Variants in NPEPL1 observed in about 807,000 individuals in gnomAD.
NPEPL1 encodes aminopeptidase like 1.
Under a neutral mutation model 52.4 loss-of-function variants are expected in NPEPL1, and 45 were observed. That is an observed-to-expected ratio of 0.86 (90% CI 0.68 to 1.10). The LOEUF (loss-of-function observed/expected upper bound fraction) is 1.10. NPEPL1 is among the 50% of genes least tolerant of loss of function. The pLI is 0.00. For missense variants in NPEPL1, 696 were observed against 710.9 expected (o/e 0.98, Z 0.24); for synonymous variants, 360 against 314.7 (o/e 1.14, Z -1.52).
At chr20:58,703,008 T>A (rs2084665757) in intron 6 of NPEPL1, among the ~76,000 whole-genome samples, 1 of 152,214 alleles carries the variant, frequency 6.6e-6, no homozygotes, top group Non-Finnish European at 1.5e-5. Context: ...AGGTTCCGCG[T>A]CTTCGTTTTG....
chr20:58,700,880 A>C (rs1601108225), intron 5 of NPEPL1, 136 bp from the exon 6 acceptor site: 16 of 809,564 alleles, frequency 2.0e-5, no homozygotes, highest in Non-Finnish European at 2.7e-5. Flanking sequence ...GGGCAGGAGA[A>C]GGGGCAGGGA....
intron 7 of NPEPL1, among the ~76,000 whole-genome samples, chr20:58,707,496 C>T (rs1601124368): frequency 6.6e-6 from 1 of 152,228 alleles, no homozygotes; most frequent in Admixed American, 6.5e-5. Flanking sequence ...TGGCCTAGAC[C>T]CTCATGGCAT....
At position 58,692,837 on chromosome 20, in the gene NPEPL1, C is replaced by T. The variant is rs2084381425; in HGVS notation, c.-64C>T. 2 of 976,976 alleles carry T rather than the reference C, an allele frequency of 2.0e-6. No homozygotes were observed. The highest frequency in any genetic ancestry group is 2.4e-6 in the Non-Finnish European group (2 of 824,492). 60.5% of individuals were successfully genotyped at this position (976,976 alleles called of 1,614,324 possible). On this transcript the variant is annotated 5_prime_UTR_variant, in exon 1 of 12. Coordinates refer to ENST00000356091, the MANE Select transcript of NPEPL1 (RefSeq NM_024663.4). This position sits in a 1 kb window ranked among gnomAD's most constrained non-coding sequence, Gnocchi z 5.7. ...GTGCCGAGGCCGGGCCGGAGCGGGG[C>T]GAAGGGGGCCGAGCGGCGGGCCGGG...
In NPEPL1 at chr20:58,712,668, G is replaced by A. The variant is rs188994981; in HGVS notation, c.1001+89G>A. ...AATGCCAGCTCACTCCAGGCATATC[G>A]GGAGGGCACTCAGCGTTGGGGTCCC... is the stretch of plus-strand genomic sequence containing the variant. On this transcript the variant is annotated intron_variant, in intron 8 of 11. Coordinates refer to ENST00000356091, the MANE Select transcript of NPEPL1 (RefSeq NM_024663.4). The A allele has an allele frequency of 3.2e-5, 31 of 958,168 alleles. No individual in the cohort carries two copies. The East Asian group carries it at 4.6e-4, about 14-fold the overall frequency. 59.4% of individuals were successfully genotyped at this position (958,168 alleles called of 1,614,324 possible).
intron 7 of NPEPL1, chr20:58,711,611 G>A (rs1160589487): frequency 6.6e-6 from 1 of 152,494 alleles, no homozygotes; most frequent in Non-Finnish European, 1.5e-5. Flanking sequence ...ACTGAGCGGG[G>A]ACCCAGGGAG....
At chr20:58,707,327 G>A in intron 7 of NPEPL1, 127 bp downstream of exon 7, 2 of 859,840 alleles carry the variant, frequency 2.3e-6, no homozygotes, top group South Asian at 3.5e-5. Flanking sequence ...GCGGATGCTT[G>A]TCCCCCCTCT....
In NPEPL1 at chr20:58,713,887, C is replaced by A; in HGVS notation, c.1126-30C>A. On this transcript the variant is annotated intron_variant, in intron 9 of 11. Coordinates refer to ENST00000356091, the MANE Select transcript of NPEPL1 (RefSeq NM_024663.4). The surrounding 1 kb of genome is among the most constrained non-coding windows in gnomAD (Gnocchi z 4.6). ...GGTGTTTCTCTCCTGCCGTCCCGTC[C>A]ACACGCTTCCCGGGTTCCTGCCCGC... 3 of 1,440,184 alleles carry A rather than the reference C, an allele frequency of 2.1e-6. No individual in the cohort carries two copies. The highest frequency in any genetic ancestry group is 3.1e-5 in the Admixed American group (1 of 31,818). The allele number at this position is 1,440,184 out of a possible 1,614,324, so 89.2% of individuals were successfully genotyped here. A position where few individuals can be genotyped will look rare whatever the true frequency, so the allele number is the denominator to read the frequency against.
At chr20:58,711,110 C>CCCACCTCCCCCTCTCCT (rs2084831343) in intron 7 of NPEPL1, 1 of 71,224 alleles carries the variant, frequency 1.4e-5, no homozygotes, top group Non-Finnish European at 2.5e-5. Context: ...CCTCCTCCCC[C>CCCACCTCCCCCTCTCCT]CCTCCTCCCC....
chr20:58,707,217 C>T lies in NPEPL1; in HGVS notation c.900+17C>T, dbSNP rs1016671862. ...ATCAAGCAGGTGAGTGGGCCCTGCCCGCCCTCTGCAGGGGCATCCTGGGTG... is the reference window on the plus strand; with the variant it reads ...ATCAAGCAGGTGAGTGGGCCCTGCCTGCCCTCTGCAGGGGCATCCTGGGTG... On this transcript the variant is annotated intron_variant, in intron 7 of 11. Coordinates refer to ENST00000356091, the MANE Select transcript of NPEPL1 (RefSeq NM_024663.4). The T allele has an allele frequency of 1.2e-5, 18 of 1,543,676 alleles. No individual in the cohort carries two copies. The highest frequency in any genetic ancestry group is 5.9e-5 in the Admixed American group (3 of 50,676).
chr20:58,711,329 G>A (rs1171036055), intron 7 of NPEPL1: 1 of 152,082 alleles, frequency 6.6e-6, no homozygotes. Flanking sequence ...ATGACCACAG[G>A]AGGCCTCAGC....
At position 58,701,068 on chromosome 20, in the gene NPEPL1, C is replaced by G; in HGVS notation, c.732C>G (p.Leu244=). The change falls in exon 6 of 12, where the codon CTC becomes CTG. Residue 244 remains leucine, a synonymous_variant. Transcript: ENST00000356091. ...AALHPPALAV[L]SHTPDGATQT... ...TGCATCCCCCAGCCCTGGCCGTCCT[C>G]AGCCACACCCCAGATGGAGCCACGC... The G allele has an allele frequency of 6.3e-7, 1 of 1,596,346 alleles. No homozygotes were observed. Among genetic ancestry groups the G allele is most frequent in the Non-Finnish European group, 8.5e-7 (1 of 1,172,436 alleles).
intron 6 of NPEPL1, chr20:58,703,536 C>T: frequency 5.1e-6 from 5 of 985,288 alleles, no homozygotes; most frequent in Non-Finnish European, 6.0e-6. Flanking sequence ...GTCGTGGACC[C>T]TCTTCTCCTT....
In NPEPL1 at chr20:58,693,036, C is replaced by T; in HGVS notation, c.136C>T (p.Arg46Trp). 9.5e-7 allele frequency: 1 copy of T among 1,051,974 alleles called. No homozygotes were observed. The highest frequency in any genetic ancestry group is 1.1e-6 in the Non-Finnish European group (1 of 870,156). 65.2% of individuals were successfully genotyped at this position (1,051,974 alleles called of 1,614,324 possible). ...WSHVRGKLQP[R>W]VTEELWQAAL... The stretch of plus-strand genomic sequence containing the variant: ...CCACGTCCGCGGGAAGCTGCAGCCC[C>T]GGGTCACCGAGGAGGTGAGCGGGCC... Residue 46 changes from arginine to tryptophan, a missense_variant, in exon 1 of 12, where the codon CGG becomes TGG. Transcript: ENST00000356091.
At chr20:58,699,082 G>A (rs951867026) in intron 4 of NPEPL1, 115 bp from the exon 5 acceptor site, 21 of 993,152 alleles carry the variant, frequency 2.1e-5, no homozygotes, top group East Asian at 1.6e-4. Flanking sequence ...TCCCAAGCCC[G>A]GCTCCCCGAC....
chr20:58,694,796 A>G (rs2084427950), intron 3 of NPEPL1, among the ~76,000 whole-genome samples: 1 of 152,096 alleles, frequency 6.6e-6, no homozygotes, highest in Non-Finnish European at 1.5e-5. Context: ...TGACTTCAGG[A>G]TTCTGTTGTA....
intron 7 of NPEPL1, among the ~76,000 whole-genome samples, chr20:58,709,773 C>G (rs975849149): frequency 1.3e-5 from 2 of 152,204 alleles, no homozygotes; most frequent in Non-Finnish European, 2.9e-5. Context: ...TCAGACAAAC[C>G]CAGCACTGAA....
chr20:58,707,019 G>C, intron 6 of NPEPL1, 104 bp from the exon 7 acceptor site: 1 of 1,187,266 alleles, frequency 8.4e-7, no homozygotes, highest in Non-Finnish European at 1.2e-6. Flanking sequence ...TGAGAGCTGG[G>C]GAAGGTGGGG....
chr20:58,692,483 G>GCGTCGGGTGGGCTTGGGCCTA (rs1336934558), upstream of NPEPL1: 1 of 152,348 alleles, frequency 6.6e-6, no homozygotes, highest in African/African-American at 2.4e-5. This position sits in a 1 kb window ranked among gnomAD's most constrained non-coding sequence, Gnocchi z 5.7. Context: ...GGGCGGAACT[G>GCGTCGGGTGGGCTTGGGCCTA]CGTCGGGTGG....
intron 3 of NPEPL1, among the ~76,000 whole-genome samples, chr20:58,697,080 G>A (rs2084508822): frequency 6.6e-6 from 1 of 152,254 alleles, no homozygotes; most frequent in Non-Finnish European, 1.5e-5. Context: ...CAGGGACTGG[G>A]ACTGTGTACT....
Sources: gnomAD v4.1 joint callset for allele counts (sites outside exome capture counted in the v4.1 genomes callset) on GRCh38, gnomAD v4.1.1 for gene constraint, Gnocchi (gnomAD v3.1) non-coding constraint, MANE v1.5 for transcripts, NCBI Gene and HGNC (gene_info 2026-07-23, HGNC 2026-07-21) for gene names.